The following SYT14 variants were observed in gnomAD, a reference collection of about 807,000 sequenced individuals.
The protein encoded by SYT14 is synaptotagmin-14.
In SYT14, 32 loss-of-function variants were observed where a neutral mutation model predicts 74.2. That is an observed-to-expected ratio of 0.43 (90% CI 0.33 to 0.58). SYT14 has a LOEUF of 0.58. Ranked by LOEUF, SYT14 falls within the 20% of genes least tolerant of loss-of-function variation. The pLI, the probability that SYT14 is intolerant of heterozygous loss-of-function variation, is 0.05. For synonymous variants in SYT14, 298 were observed against 337.7 expected (o/e 0.88, Z 1.29); for missense variants, 791 against 981.8 (o/e 0.81, Z 2.60).
chr1:210,100,562 A>T, intron 7 of SYT14, 101 bp downstream of exon 6: 1 of 1,146,364 alleles, frequency 8.7e-7, no homozygotes. Flanking sequence ...TTGTCAGTCT[A>T]TTTTTTTACA....
chr1:210,110,373 G>A (rs1392997656), intron 7 of SYT14, among the ~76,000 whole-genome samples: 1 of 152,132 alleles, frequency 6.6e-6, no homozygotes, highest in African/African-American at 2.4e-5. Context: ...CAAAATAGGA[G>A]GACAGGATGA....
At chr1:210,102,730 G>A (rs1259551404) in intron 7 of SYT14, among the ~76,000 whole-genome samples, 1 of 152,098 alleles carries the variant, frequency 6.6e-6, no homozygotes, top group Non-Finnish European at 1.5e-5. Flanking sequence ...CACCCAGGCT[G>A]GGGTGTAGTA....
intron 2 of SYT14, among the ~76,000 whole-genome samples, chr1:209,968,662 T>C (rs536312756): frequency 6.6e-6 from 1 of 152,198 alleles, no homozygotes; most frequent in African/African-American, 2.4e-5. Context: ...CAGATTGGGT[T>C]CTTTTACTTA....
intron 7 of SYT14, among the ~76,000 whole-genome samples, chr1:210,120,125 A>G (rs1260610924): frequency 4.7e-5 from 7 of 148,240 alleles, no homozygotes; most frequent in Non-Finnish European, 7.4e-5. Flanking sequence ...AATGATTAGA[A>G]TGGTACTAAA....
chr1:210,080,123 G>A (rs2081591044), intron 5 of SYT14, among the ~76,000 whole-genome samples: 1 of 152,126 alleles, frequency 6.6e-6, no homozygotes, highest in Non-Finnish European at 1.5e-5. Flanking sequence ...CTCAAAAATT[G>A]CTGCATTATT....
Position 210,141,727 on chromosome 1 carries a change from G to C in SYT14, c.2035-13994G>C, listed in dbSNP as rs1400736031. Among the ~76,000 whole-genome samples the C allele has an allele frequency of 2.0e-5, 3 of 152,170 alleles. No homozygotes were observed. The East Asian group carries it at 5.8e-4, about 29-fold the overall frequency. On this transcript the variant is annotated intron_variant, in intron 7 of 9. Coordinates refer to ENST00000637265, the Ensembl canonical transcript of SYT14. ...TGCTGAGGGGTTCTGTGTATATTGAGCCATGCTTTCAATGCTCCAAGAGTC... is the reference window on the plus strand; with the variant it reads ...TGCTGAGGGGTTCTGTGTATATTGACCCATGCTTTCAATGCTCCAAGAGTC...
intron 6 of SYT14, among the ~76,000 whole-genome samples, chr1:210,097,192 C>G (rs1232496718): frequency 6.6e-6 from 1 of 152,082 alleles, no homozygotes; most frequent in African/African-American, 2.4e-5. Context: ...TATTTTGCAT[C>G]CTTGTAATAG....
chr1:210,081,274 T>C (rs1202979200), intron 5 of SYT14, among the ~76,000 whole-genome samples: 1 of 152,176 alleles, frequency 6.6e-6, no homozygotes, highest in Non-Finnish European at 1.5e-5. Context: ...TACTATATGA[T>C]ATGAACAAAA....
intron 2 of SYT14, among the ~76,000 whole-genome samples, chr1:209,962,462 G>A (rs2079091203): frequency 6.6e-6 from 1 of 151,888 alleles, no homozygotes; most frequent in African/African-American, 2.4e-5. Context: ...AGAGAATAGA[G>A]CTTTAGCTAC....
intron 1 of SYT14, among the ~76,000 whole-genome samples, chr1:209,938,866 TTCC>T (rs993539358): frequency 4.6e-5 from 7 of 152,032 alleles, no homozygotes; most frequent in African/African-American, 1.4e-4. Context: ...TTAGGTTAAT[TTCC>T]TCCTCAAGTG....
At chr1:209,969,856 T>C (rs985833012) in intron 2 of SYT14, among the ~76,000 whole-genome samples, 10 of 152,342 alleles carry the variant, frequency 6.6e-5, no homozygotes, top group African/African-American at 2.4e-4. Flanking sequence ...GCTGCTTGTA[T>C]GTCTTCTTTT....
At chr1:210,054,666 C>T (rs1421958044) in intron 5 of SYT14, among the ~76,000 whole-genome samples, 1 of 152,096 alleles carries the variant, frequency 6.6e-6, no homozygotes, top group Non-Finnish European at 1.5e-5. Flanking sequence ...GGAATATGAC[C>T]ATTTCATTTC....
intron 2 of SYT14, among the ~76,000 whole-genome samples, chr1:209,974,300 G>T (rs543380387): frequency 9.9e-4 from 150 of 152,216 alleles, no homozygotes; most frequent in Non-Finnish European, 6.3e-4. Flanking sequence ...CCTATGTCCT[G>T]AATGGTATTG....
intron 7 of SYT14, among the ~76,000 whole-genome samples, chr1:210,135,904 C>T (rs2082775693): frequency 6.6e-6 from 1 of 152,180 alleles, no homozygotes; most frequent in South Asian, 2.1e-4. Context: ...ACACTTTGTT[C>T]AGAATGTGAA....
chr1:210,103,983 T>C (rs1342980993), intron 7 of SYT14, among the ~76,000 whole-genome samples: 1 of 152,238 alleles, frequency 6.6e-6, no homozygotes, highest in Non-Finnish European at 1.5e-5. Context: ...CCCGTCTCAC[T>C]GGTAGATATG....
intron 2 of SYT14, chr1:209,965,974 G>A (rs753552669): frequency 3.7e-5 from 17 of 453,496 alleles, no homozygotes; most frequent in African/African-American, 2.6e-4. Context: ...GGGTTCAAAC[G>A]ATTCTTCTGC....
chr1:209,975,834 G>A (rs548606625), intron 2 of SYT14, among the ~76,000 whole-genome samples: 217 of 152,044 alleles, frequency 1.4e-3, no homozygotes, highest in Middle Eastern at 0.014. Context: ...CATCTGATCC[G>A]GGCCTTTTTT....
intron 5 of SYT14, among the ~76,000 whole-genome samples, chr1:210,073,244 T>C (rs2081428399): frequency 6.6e-6 from 1 of 152,002 alleles, no homozygotes; most frequent in African/African-American, 2.4e-5. Flanking sequence ...TGTAAGCCCT[T>C]TCCTTTGAAA....
Position 210,029,279 on chromosome 1 carries a change from A to C in SYT14, c.1312+8025A>C, listed in dbSNP as rs190260530. On this transcript the variant is annotated intron_variant, in intron 5 of 9. Coordinates refer to ENST00000637265, the Ensembl canonical transcript of SYT14. ...AGACAAAATGTTTTAATTTTCATGA[A>C]ATCCACTTTTTGTATTTTTTGTTGT... is the stretch of plus-strand genomic sequence containing the variant. Among the ~76,000 whole-genome samples the C allele has an allele frequency of 1.6e-3, 251 of 152,236 alleles. 4 individuals are homozygous for C. In the South Asian group the frequency reaches 0.027, roughly 16 times the overall value.
Sources: gnomAD v4.1 joint callset for allele counts (sites outside exome capture counted in the v4.1 genomes callset) on GRCh38, gnomAD v4.1.1 for gene constraint, MANE v1.5 for transcripts, NCBI Gene and HGNC (gene_info 2026-07-23, HGNC 2026-07-21) for gene names.